Variants in TENM1 observed in about 807,000 individuals in gnomAD.
The protein encoded by TENM1 is teneurin-1.
TENM1 carries 35 observed loss-of-function variants against 174.8 expected under a neutral mutation model. The ratio of observed to expected loss-of-function variants is 0.20; its 90% confidence interval spans 0.15 to 0.27. The LOEUF is 0.27. Ranked by LOEUF, TENM1 falls within the 10% of genes least tolerant of loss-of-function variation. The pLI, the probability that TENM1 is intolerant of heterozygous loss-of-function variation, is 1.00. For synonymous variants in TENM1, 781 were observed against 798.7 expected, an observed-to-expected ratio of 0.98 and a Z score of 0.37; for missense variants, 1,633 against 2,130.1, an observed-to-expected ratio of 0.77 and a Z score of 4.59.
Position 124,943,840 on chromosome X carries a change from G to A in TENM1, c.217+19697C>T, listed in dbSNP as rs762833816. 2.7e-5 allele frequency among the ~76,000 whole-genome samples: 3 copies of A among 111,775 alleles called. No homozygotes were observed. The South Asian group carries it at 1.1e-3, about 42-fold the overall frequency. ...TTATTATTTACCTATGTCTTGAATG[G>A]TATTGAAGCAAGCCATGTAAGTCCC... On this transcript the variant is annotated intron_variant, in intron 1 of 31. Coordinates refer to ENST00000422452, the Ensembl canonical transcript of TENM1.
At chrX:124,876,594 T>C (rs936548627) in intron 3 of TENM1, among the ~76,000 whole-genome samples, 3 of 112,168 alleles carry the variant, frequency 2.7e-5, no homozygotes, top group Non-Finnish European at 5.6e-5. Flanking sequence ...AATTATGCTG[T>C]TAAAACATTT....
intron 28 of TENM1, among the ~76,000 whole-genome samples, chrX:124,389,593 C>T (rs762249468): frequency 9.0e-6 from 1 of 111,035 alleles, no homozygotes; most frequent in Admixed American, 9.6e-5. Context: ...TTCAAAGATG[C>T]TTTAATTTCC....
chrX:125,187,206 G>C, the TENM1 span, among the ~76,000 whole-genome samples: 1 of 112,500 alleles, frequency 8.9e-6, no homozygotes, highest in Non-Finnish European at 1.9e-5. Flanking sequence ...GTTGCAGTGA[G>C]CTGAGATTGC....
chrX:124,686,460 T>C (rs1247128037), intron 5 of TENM1, among the ~76,000 whole-genome samples: 2 of 112,077 alleles, frequency 1.8e-5, no homozygotes, highest in Admixed American at 9.4e-5. Flanking sequence ...TTCGACAATA[T>C]ATACATATTT....
intron 11 of TENM1, among the ~76,000 whole-genome samples, chrX:124,588,955 G>A (rs1205867319): frequency 3.6e-5 from 4 of 110,967 alleles, no homozygotes; most frequent in Non-Finnish European, 5.7e-5. Context: ...AGTGGTGAGA[G>A]TGGGCATCCT....
intron 3 of TENM1, among the ~76,000 whole-genome samples, chrX:124,755,885 T>A (rs1337790579): frequency 1.9e-5 from 2 of 106,487 alleles, no homozygotes; most frequent in African/African-American, 3.7e-5. Context: ...CTTCCCTTTG[T>A]GGGTAACCCG....
At chrX:124,645,230 T>G in exon 10 of TENM1, 1 of 1,211,699 alleles carries the variant, frequency 8.3e-7, no homozygotes, top group Non-Finnish European at 1.1e-6. Context: ...GTTGGATCAA[T>G]GCATTGTTCT....
intron 3 of TENM1, among the ~76,000 whole-genome samples, chrX:124,847,260 C>T (rs1173226940): frequency 9.0e-6 from 1 of 111,481 alleles, no homozygotes; most frequent in African/African-American, 3.2e-5. Flanking sequence ...TAGGGCTTCA[C>T]TATAACATAT....
At chrX:124,503,767 G>A (rs1056907266) in intron 18 of TENM1, 64 bp from the exon 22 acceptor site, 13 of 1,031,757 alleles carry the variant, frequency 1.3e-5, no homozygotes, top group South Asian at 2.3e-5. Context: ...GTTTATACTA[G>A]TTGATAATTC....
rs764660227 is a variant in TENM1, at chrX:124,443,042, CTATGTGTGTGTGTGTGTGTGTG to C, written c.4104+10273_4104+10294del. On this transcript the variant is annotated intron_variant, in intron 23 of 31. Transcript: ENST00000422452. Reference sequence around the variant, plus strand: ...GCTGTAACTTTTCATGCCTGGATGACTATGTGTGTGTGTGTGTGTGTGTGTGTGTGTGTGTGTGTGTGTGTGT... The same window carrying C: ...GCTGTAACTTTTCATGCCTGGATGACTGTGTGTGTGTGTGTGTGTGTGTGT... 3.7e-3 allele frequency among the ~76,000 whole-genome samples: 157 copies of C among 42,166 alleles called. 1 individual carries two copies. The highest frequency in any genetic ancestry group is 0.01 in the South Asian group (7 of 674). 36.6% of individuals were successfully genotyped at this position (42,166 alleles called of 115,157 possible). A position where few individuals can be genotyped will look rare whatever the true frequency, so the allele number is the denominator to read the frequency against.
At chrX:124,737,509 C>T (rs1047559734) in intron 3 of TENM1, among the ~76,000 whole-genome samples, 1 of 112,174 alleles carries the variant, frequency 8.9e-6, no homozygotes, top group African/African-American at 3.2e-5. Context: ...AAATCATCAA[C>T]AAGACACCAA....
At chrX:124,584,105 T>C (rs2049416905) in intron 11 of TENM1, among the ~76,000 whole-genome samples, 1 of 109,909 alleles carries the variant, frequency 9.1e-6, no homozygotes, top group African/African-American at 3.3e-5. Flanking sequence ...AGTTGGAAAA[T>C]GCTCTGCAGG....
At chrX:124,805,975 T>TA (rs2147250726) in intron 3 of TENM1, among the ~76,000 whole-genome samples, 1 of 109,742 alleles carries the variant, frequency 9.1e-6, no homozygotes, top group South Asian at 4.0e-4. Context: ...TGACTGGCCA[T>TA]AAAAAAACAG....
intron 3 of TENM1, among the ~76,000 whole-genome samples, chrX:124,872,254 CAT>C (rs1429073747): frequency 1.8e-5 from 2 of 111,056 alleles, no homozygotes; most frequent in Non-Finnish European, 3.8e-5. Flanking sequence ...GATTATAAAA[CAT>C]GTGGTATAAG....
At chrX:124,585,399 A>T (rs1233177061) in intron 11 of TENM1, among the ~76,000 whole-genome samples, 1 of 111,276 alleles carries the variant, frequency 9.0e-6, no homozygotes, top group East Asian at 2.8e-4. Context: ...AAACCGCTCA[A>T]CTACATGGAA....
chrX:124,615,307 T>A (rs1705918312), intron 11 of TENM1, among the ~76,000 whole-genome samples: 1 of 111,866 alleles, frequency 8.9e-6, no homozygotes, highest in Admixed American at 9.5e-5. Context: ...CACTCAAGCA[T>A]GGTCCCAGTA....
At chrX:124,437,447 G>A (rs1394394085) in intron 23 of TENM1, among the ~76,000 whole-genome samples, 1 of 111,001 alleles carries the variant, frequency 9.0e-6, no homozygotes, top group African/African-American at 3.3e-5. Context: ...AAAGTTGGTT[G>A]TGAATGATTT....
chrX:124,384,668 C>T lies in TENM1; in HGVS notation c.6263G>A (p.Ser2088Asn), dbSNP rs750992646. 1.1e-5 allele frequency: 13 copies of T among 1,208,471 alleles called. No homozygotes were observed. The highest frequency in any genetic ancestry group is 1.5e-5 in the Non-Finnish European group (13 of 893,983). Reference sequence around the variant, plus strand: ...CTGATTTAAATCGTAATTAATTACACTGAATTTTCCAAACTGCTCTGTTCT... The same window carrying T: ...CTGATTTAAATCGTAATTAATTACATTGAATTTTCCAAACTGCTCTGTTCT... The change falls in exon 30 of 32, where the codon AGT becomes AAT. Residue 2088 changes from serine to asparagine, a missense_variant. Physicochemically the swap from Ser to Asn is conservative, Grantham distance 46. Around this residue, in one of 4 missense-constraint regions of TENM1, gnomAD observed 807 missense variants for 1,125.3 expected, o/e 0.72. Transcript: ENST00000422452.
the TENM1 span, among the ~76,000 whole-genome samples, chrX:125,009,576 C>T: frequency 9.0e-6 from 1 of 111,110 alleles, no homozygotes; most frequent in African/African-American, 3.3e-5. Flanking sequence ...AGAGATACAA[C>T]AAAAAAAGAA....
Sources: gnomAD v4.1 joint callset for allele counts (sites outside exome capture counted in the v4.1 genomes callset) on GRCh38, gnomAD v4.1.1 for gene constraint, gnomAD v4.1.1 regional missense constraint, MANE v1.5 for transcripts, NCBI Gene and HGNC (gene_info 2026-07-23, HGNC 2026-07-21) for gene names.